RARB: variants seen among roughly 807,000 people sequenced by gnomAD.
RARB encodes retinoic acid receptor beta, also known as HBV-activated protein.
Under a neutral mutation model 51.9 loss-of-function variants are expected in RARB, and 17 were observed. That is an observed-to-expected ratio of 0.33 (90% CI 0.22 to 0.49). The LOEUF (loss-of-function observed/expected upper bound fraction) is 0.49. Among genes scored for constraint, RARB ranks in the 20% least tolerant of loss-of-function variants. The pLI is 0.99. For synonymous variants in RARB, 215 were observed against 195.4 expected, an observed-to-expected ratio of 1.10 and a Z score of -0.84; for missense variants, 369 against 550.8, an observed-to-expected ratio of 0.67 and a Z score of 3.30.
chr3:25,279,308 G>A (rs1222827309), intron 5 of RARB, among the ~76,000 whole-genome samples: 2 of 152,172 alleles, frequency 1.3e-5, no homozygotes, highest in African/African-American at 4.8e-5. Context: ...CATCATAAAT[G>A]CCTTGAGAAC....
At chr3:25,540,730 A>T (rs568505420) in intron 3 of RARB, among the ~76,000 whole-genome samples, 2 of 152,340 alleles carry the variant, frequency 1.3e-5, no homozygotes, top group South Asian at 2.1e-4. Flanking sequence ...AGGAGGAGTG[A>T]GAGAGAGATC....
intron 2 of RARB, among the ~76,000 whole-genome samples, chr3:24,930,152 T>G (rs1046367865): frequency 1.1e-4 from 17 of 152,062 alleles, no homozygotes; most frequent in African/African-American, 3.1e-4. Context: ...TAGAAACAGG[T>G]CTATTAAAAC....
intron 4 of RARB, among the ~76,000 whole-genome samples, chr3:25,144,397 G>A (rs1434461262): frequency 6.6e-6 from 1 of 152,092 alleles, no homozygotes; most frequent in Non-Finnish European, 1.5e-5. Context: ...TCTGGAGGGG[G>A]TTGGTGAGGA....
At chr3:25,345,614 G>T (rs951544925) in intron 5 of RARB, among the ~76,000 whole-genome samples, 27 of 146,216 alleles carry the variant, frequency 1.8e-4, no homozygotes, top group African/African-American at 6.5e-4. Flanking sequence ...GCAGTGAGCC[G>T]AGATCGTGCC....
chr3:24,919,851 G>C (rs752568777), intron 2 of RARB, among the ~76,000 whole-genome samples: 42 of 152,270 alleles, frequency 2.8e-4, no homozygotes, highest in Non-Finnish European at 1.6e-4. Context: ...ACAACTTCCA[G>C]GGTGCTGCTG....
chr3:25,009,126 C>T (rs910286473), intron 2 of RARB, among the ~76,000 whole-genome samples: 8 of 152,092 alleles, frequency 5.3e-5, no homozygotes, highest in African/African-American at 1.9e-4. Context: ...TAGGCTTTGT[C>T]ACAATTGCTT....
In RARB at chr3:24,986,643, T is replaced by A. The variant is rs374828244; in HGVS notation, c.-379-73482T>A. ...TTTTGTTCTAATTGATTCATAAAGA[T>A]CATTAAACAAGAGAATAAAAACAAT... On this transcript the variant is annotated intron_variant, in intron 2 of 11. Transcript: ENST00000383772. Among the ~76,000 whole-genome samples, 28 of 152,320 alleles carry A rather than the reference T, an allele frequency of 1.8e-4. No homozygotes were observed. In the South Asian group the frequency reaches 5.8e-3, roughly 32 times the overall value.
intron 2 of RARB, among the ~76,000 whole-genome samples, chr3:25,013,859 C>T (rs935519658): frequency 9.2e-5 from 14 of 152,044 alleles, no homozygotes; most frequent in African/African-American, 3.4e-4. Flanking sequence ...TCACAAGCAA[C>T]AGGAACACAA....
intron 2 of RARB, among the ~76,000 whole-genome samples, chr3:24,982,189 T>C (rs1696692688): frequency 1.3e-5 from 2 of 152,212 alleles, no homozygotes; most frequent in African/African-American, 4.8e-5. Context: ...AGGGCCCAGC[T>C]GCTCTTTTTG....
intron 2 of RARB, among the ~76,000 whole-genome samples, chr3:25,012,446 C>A (rs772450374): frequency 6.6e-6 from 1 of 152,122 alleles, no homozygotes; most frequent in African/African-American, 2.4e-5. Flanking sequence ...GCATCCAGAT[C>A]ATCAGCCAGG....
At chr3:25,204,736 G>A (rs753809211) in intron 5 of RARB, among the ~76,000 whole-genome samples, 1 of 152,118 alleles carries the variant, frequency 6.6e-6, no homozygotes, top group East Asian at 1.9e-4. Context: ...GCTGCAGAAC[G>A]GTGAATACTG....
intron 2 of RARB, among the ~76,000 whole-genome samples, chr3:25,038,837 T>C (rs138146413): frequency 5.3e-5 from 8 of 152,310 alleles, no homozygotes; most frequent in African/African-American, 1.7e-4. Context: ...CCTCTGGGTA[T>C]GATTTGAAAA....
intron 2 of RARB, among the ~76,000 whole-genome samples, chr3:25,046,962 G>A (rs989144055): frequency 3.3e-5 from 5 of 152,158 alleles, no homozygotes; most frequent in Admixed American, 2.6e-4. Context: ...ATAGCAGGGA[G>A]AATGTGCCTC....
chr3:25,084,729 C>T (rs1342561944), intron 3 of RARB, among the ~76,000 whole-genome samples: 2 of 150,630 alleles, frequency 1.3e-5, no homozygotes, highest in Non-Finnish European at 3.0e-5. Context: ...TTTTATATTC[C>T]ATCTGTTTGG....
intron 4 of RARB, among the ~76,000 whole-genome samples, chr3:25,580,246 C>T (rs545300641): frequency 8.7e-4 from 133 of 152,298 alleles, no homozygotes; most frequent in African/African-American, 2.9e-3. Context: ...TGGTGGCACA[C>T]GCCTGTAATC....
chr3:24,881,192 T>G (rs759073995), intron 2 of RARB, among the ~76,000 whole-genome samples: 12 of 152,236 alleles, frequency 7.9e-5, no homozygotes, highest in Non-Finnish European at 1.6e-4. Flanking sequence ...CTGCCATGAT[T>G]ACAAGTTTCC....
intron 5 of RARB, among the ~76,000 whole-genome samples, chr3:25,182,245 A>T (rs77306558): frequency 0.019 from 2,902 of 152,336 alleles, 76 homozygotes; most frequent in African/African-American, 0.066. Context: ...GTGTGAAATA[A>T]ACTGACTAGA....
intron 4 of RARB, among the ~76,000 whole-genome samples, chr3:25,165,075 G>C (rs1163020455): frequency 1.3e-5 from 2 of 152,056 alleles, no homozygotes; most frequent in Non-Finnish European, 2.9e-5. Context: ...GGCCTAGAGA[G>C]ATAATTTGGG....
At chr3:25,350,802 A>G (rs917603022) in intron 5 of RARB, among the ~76,000 whole-genome samples, 3 of 152,250 alleles carry the variant, frequency 2.0e-5, no homozygotes, top group African/African-American at 7.2e-5. Context: ...ATAAGCTGCT[A>G]TGATGCAGGG....
Sources: allele counts gnomAD v4.1 joint callset (sites outside exome capture counted in the v4.1 genomes callset), GRCh38; gene constraint gnomAD v4.1.1; transcripts MANE v1.5; gene names NCBI Gene and HGNC (gene_info 2026-07-23, HGNC 2026-07-21).